The following CDH4 variants were observed in gnomAD, a reference collection of about 807,000 sequenced individuals.
CDH4 encodes the protein cadherin-4.
CDH4 carries 33 observed loss-of-function variants against 86.0 expected under a neutral mutation model. The observed-to-expected ratio is 0.38, with a 90% CI of 0.29 to 0.51. The LOEUF (loss-of-function observed/expected upper bound fraction) is 0.51, where lower values mean the gene tolerates loss of function less well. Ranked by LOEUF, CDH4 falls within the 20% of genes least tolerant of loss-of-function variation. The pLI is 0.86. For synonymous variants in CDH4, 555 were observed against 549.4 expected (o/e 1.01, Z -0.14); for missense variants, 1,114 against 1,307.4 (o/e 0.85, Z 2.28).
At chr20:61,587,897 G>A (rs941905518) in intron 2 of CDH4, among the ~76,000 whole-genome samples, 3 of 152,050 alleles carry the variant, frequency 2.0e-5, no homozygotes, top group Non-Finnish European at 4.4e-5. Flanking sequence ...CCCCCGCCCA[G>A]GCCCCACGTT....
chr20:61,570,408 C>A (rs561992328), intron 2 of CDH4: 5 of 458,536 alleles, frequency 1.1e-5, no homozygotes, highest in African/African-American at 9.7e-5. Flanking sequence ...TGGCTGCAGA[C>A]GTACACTTTG....
At chr20:61,697,821 G>T (rs1000406617) in intron 2 of CDH4, among the ~76,000 whole-genome samples, 8 of 152,182 alleles carry the variant, frequency 5.3e-5, no homozygotes, top group Non-Finnish European at 7.3e-5. Context: ...TCCTGCTCCA[G>T]GCTGGAAGGT....
intron 2 of CDH4, among the ~76,000 whole-genome samples, chr20:61,651,363 C>T (rs1404255341): frequency 1.3e-5 from 2 of 152,254 alleles, no homozygotes; most frequent in African/African-American, 4.8e-5. Flanking sequence ...GCTCAGGTCA[C>T]CCAAAGGCAC....
At chr20:61,728,442 C>A (rs1055602104) in intron 2 of CDH4, among the ~76,000 whole-genome samples, 1 of 152,096 alleles carries the variant, frequency 6.6e-6, no homozygotes, top group African/African-American at 2.4e-5. Context: ...GCTCAAGGGC[C>A]ATGTCTGGAA....
chr20:61,258,335 AAAAAAAAAAAG>A lies in CDH4; in HGVS notation c.169+3409_169+3419del, dbSNP rs1045748527. On this transcript the variant is annotated intron_variant, in intron 2 of 15. Transcript: ENST00000614565. ...AAAGAACGAGACTCCGTCTCAAAAA[AAAAAAAAAAAG>A]AAAAAAAAAAAAGAAAGAGGAGCAT... is the stretch of plus-strand genomic sequence containing the variant. Among the ~76,000 whole-genome samples, 9 of 136,068 alleles carry A rather than the reference AAAAAAAAAAAG, an allele frequency of 6.6e-5. 1 individual carries two copies. Among genetic ancestry groups the A allele is most frequent in the African/African-American group, 1.7e-4 (6 of 36,002 alleles). The allele number at this position is 136,068 out of a possible 152,430, so 89.3% of individuals were successfully genotyped here.
At chr20:61,280,743 C>A (rs887527926) in intron 2 of CDH4, among the ~76,000 whole-genome samples, 1 of 152,204 alleles carries the variant, frequency 6.6e-6, no homozygotes, top group Non-Finnish European at 1.5e-5. Flanking sequence ...CACCCCTGGG[C>A]TAACGTGGCT....
intron 2 of CDH4, among the ~76,000 whole-genome samples, chr20:61,610,605 T>C (rs1295876824): frequency 1.3e-5 from 2 of 152,106 alleles, no homozygotes; most frequent in African/African-American, 2.4e-5. Flanking sequence ...TCCTACCTCA[T>C]GTTCCCTGCA....
intron 2 of CDH4, among the ~76,000 whole-genome samples, chr20:61,491,467 G>A (rs927323637): frequency 6.6e-6 from 1 of 152,190 alleles, no homozygotes; most frequent in Non-Finnish European, 1.5e-5. Context: ...ATGGAACAAA[G>A]GAAGACAGCA....
At chr20:61,929,899 C>T (rs1395771824) in intron 13 of CDH4, 57 bp downstream of exon 13, 13 of 1,402,266 alleles carry the variant, frequency 9.3e-6, no homozygotes, top group Non-Finnish European at 1.2e-5. Context: ...AGTGCCCTGT[C>T]CCAGGCATGG....
chr20:61,570,613 T>C (rs2086334655), intron 2 of CDH4: 2 of 701,654 alleles, frequency 2.9e-6, no homozygotes, highest in South Asian at 3.0e-5. Flanking sequence ...GGTCCTGGTG[T>C]GTTTGGGAAT....
intron 2 of CDH4, among the ~76,000 whole-genome samples, chr20:61,727,465 A>G (rs1441165202): frequency 6.6e-6 from 1 of 152,206 alleles, no homozygotes; most frequent in Non-Finnish European, 1.5e-5. Flanking sequence ...CACTGCCAAT[A>G]TCATATGCGT....
chr20:61,442,999 T>C (rs2085322423), intron 2 of CDH4, among the ~76,000 whole-genome samples: 1 of 152,200 alleles, frequency 6.6e-6, no homozygotes, highest in African/African-American at 2.4e-5. Flanking sequence ...CCCCCAGGTA[T>C]GTGAATCACA....
At chr20:61,508,841 C>T (rs948119842) in intron 2 of CDH4, among the ~76,000 whole-genome samples, 2 of 152,184 alleles carry the variant, frequency 1.3e-5, no homozygotes, top group Admixed American at 1.3e-4. Context: ...GCTTGGAGCC[C>T]AGAGGGCAAG....
At chr20:61,415,065 A>G (rs2085139397) in intron 2 of CDH4, among the ~76,000 whole-genome samples, 1 of 152,260 alleles carries the variant, frequency 6.6e-6, no homozygotes, top group Non-Finnish European at 1.5e-5. Flanking sequence ...CTTGGCCCAC[A>G]TTCGTCAAAC....
At chr20:61,359,753 G>T (rs1457274704) in intron 2 of CDH4, among the ~76,000 whole-genome samples, 1 of 152,204 alleles carries the variant, frequency 6.6e-6, no homozygotes, top group African/African-American at 2.4e-5. Flanking sequence ...TCTACAGTGT[G>T]CCCTGATGAA....
chr20:61,875,558 C>T (rs188390269), intron 7 of CDH4, among the ~76,000 whole-genome samples: 9 of 152,246 alleles, frequency 5.9e-5, no homozygotes, highest in Non-Finnish European at 1.3e-4. Flanking sequence ...ATGGCACAGG[C>T]GAGGACTTTT....
chr20:61,925,688 A>G (rs969010334), intron 11 of CDH4, among the ~76,000 whole-genome samples: 4 of 152,176 alleles, frequency 2.6e-5, no homozygotes, highest in Non-Finnish European at 4.4e-5. Flanking sequence ...CTGCAGCACA[A>G]TTGAGGCTTT....
intron 2 of CDH4, among the ~76,000 whole-genome samples, chr20:61,473,756 GAC>G (rs1568857517): frequency 6.6e-6 from 1 of 151,858 alleles, no homozygotes; most frequent in Non-Finnish European, 1.5e-5. Context: ...CAGACACGCA[GAC>G]ACACAGACAC....
At position 61,636,258 on chromosome 20, in the gene CDH4, GCA is replaced by G. The variant is rs2086945505; in HGVS notation, c.170-107303_170-107302del. On this transcript the variant is annotated intron_variant, in intron 2 of 15. Transcript: ENST00000614565. ...CAGACCATGAATCGCATAAGAAAAAGCACTCCCAGAGCCTCTCAATGGAATGT... is the reference window on the plus strand; with the variant it reads ...CAGACCATGAATCGCATAAGAAAAAGCTCCCAGAGCCTCTCAATGGAATGT... Among the ~76,000 whole-genome samples, 4 of 152,330 alleles carry G rather than the reference GCA, an allele frequency of 2.6e-5. No homozygotes were observed. The South Asian group carries it at 8.3e-4, about 32-fold the overall frequency.
Sources: gnomAD v4.1 joint callset for allele counts (sites outside exome capture counted in the v4.1 genomes callset) on GRCh38, gnomAD v4.1.1 for gene constraint, MANE v1.5 for transcripts, NCBI Gene and HGNC (gene_info 2026-07-23, HGNC 2026-07-21) for gene names.